MDGA2: variants seen among roughly 807,000 people sequenced by gnomAD.
The protein encoded by MDGA2 is MAM domain-containing glycosylphosphatidylinositol anchor protein 2.
A neutral mutation model predicts 117.8 loss-of-function variants in MDGA2; 40 were observed. That is an observed-to-expected ratio of 0.34 (90% confidence interval 0.26 to 0.44). The LOEUF (loss-of-function observed/expected upper bound fraction) is 0.44, where lower values mean the gene tolerates loss of function less well. Ranked by LOEUF, MDGA2 falls within the 20% of genes least tolerant of loss-of-function variation. MDGA2 has a pLI of 1.00. For synonymous variants in MDGA2, 452 were observed against 439.0 expected (o/e 1.03, Z -0.37); for missense variants, 1,123 against 1,250.6 (o/e 0.90, Z 1.54).
intron 8 of MDGA2, among the ~76,000 whole-genome samples, chr14:47,011,037 A>T (rs1258741260): frequency 6.6e-6 from 1 of 152,064 alleles, no homozygotes; most frequent in Non-Finnish European, 1.5e-5. Context: ...ATTTAAGGTT[A>T]ATGATTAGAA....
intron 8 of MDGA2, among the ~76,000 whole-genome samples, chr14:47,005,357 T>G (rs553941210): frequency 1.3e-5 from 2 of 151,618 alleles, no homozygotes; most frequent in Non-Finnish European, 3.0e-5. Flanking sequence ...GGGGCACTTA[T>G]TGAAAGAAGC....
intron 1 of MDGA2, among the ~76,000 whole-genome samples, chr14:47,574,886 C>G (rs1896088149): frequency 6.6e-6 from 1 of 152,142 alleles, no homozygotes; most frequent in Admixed American, 6.5e-5. Context: ...AGAGTCTGTG[C>G]TCCTCACTGC....
At chr14:47,506,232 G>A (rs72670708) in intron 1 of MDGA2, among the ~76,000 whole-genome samples, 1,765 of 152,036 alleles carry the variant, frequency 0.012, 15 homozygotes, top group South Asian at 0.022. Context: ...GAGCAAAGGC[G>A]CATAACTAAG....
intron 9 of MDGA2, among the ~76,000 whole-genome samples, chr14:46,922,944 T>C (rs914952073): frequency 2.6e-5 from 4 of 152,176 alleles, no homozygotes; most frequent in African/African-American, 9.7e-5. Context: ...AGCTATCTTA[T>C]TATAGTTGAC....
intron 1 of MDGA2, among the ~76,000 whole-genome samples, chr14:47,539,214 C>T (rs149715820): frequency 1.5e-3 from 234 of 152,300 alleles, no homozygotes; most frequent in African/African-American, 5.3e-3. Flanking sequence ...ACAGCAAGAA[C>T]CTGGTGCCCC....
rs142263719 is a variant in MDGA2, at chr14:47,529,220, C to T, written c.280+145297G>A. Among the ~76,000 whole-genome samples, 40 of 152,178 alleles carry T rather than the reference C, an allele frequency of 2.6e-4. No individual in the cohort carries two copies. The East Asian group carries it at 7.2e-3, about 27-fold the overall frequency. ...ACATCTGCAATAAAGCTCATTGGTG[C>T]ATAACTTTAGCGAGTTTATTTTCAG... is the stretch of plus-strand genomic sequence containing the variant. On this transcript the variant is annotated intron_variant, in intron 1 of 16. Coordinates refer to ENST00000399232, the MANE Select transcript of MDGA2 (RefSeq NM_001113498.3).
chr14:47,201,644 G>A (rs1885511058), intron 3 of MDGA2, among the ~76,000 whole-genome samples: 1 of 152,190 alleles, frequency 6.6e-6, no homozygotes, highest in Non-Finnish European at 1.5e-5. Flanking sequence ...CTATTTTAGT[G>A]TCTCAAAATG....
At chr14:46,941,535 G>C (rs1274246002) in intron 9 of MDGA2, among the ~76,000 whole-genome samples, 1 of 152,092 alleles carries the variant, frequency 6.6e-6, no homozygotes, top group Non-Finnish European at 1.5e-5. Context: ...GAAGGACAGA[G>C]GCCAGGTGCT....
At chr14:47,323,272 A>G (rs2416046) in intron 1 of MDGA2, among the ~76,000 whole-genome samples, 13,539 of 149,794 alleles carry the variant, frequency 0.09, 746 homozygotes, top group Non-Finnish European at 0.11. Context: ...TATTTTTTAA[A>G]TGACTTGTGG....
intron 4 of MDGA2, among the ~76,000 whole-genome samples, chr14:47,140,893 C>G (rs1449955628): frequency 2.6e-5 from 4 of 151,936 alleles, no homozygotes; most frequent in Non-Finnish European, 5.9e-5. Context: ...AAAATATTTG[C>G]AAACTATGCA....
At chr14:47,103,825 C>T (rs910055072) in intron 5 of MDGA2, among the ~76,000 whole-genome samples, 14 of 152,312 alleles carry the variant, frequency 9.2e-5, no homozygotes, top group African/African-American at 3.4e-4. Context: ...TGCCTTTAGG[C>T]ATTGCTTGTT....
chr14:47,194,996 T>C (rs150394393), intron 3 of MDGA2, among the ~76,000 whole-genome samples: 235 of 152,198 alleles, frequency 1.5e-3, no homozygotes, highest in African/African-American at 5.4e-3. Context: ...GACTGTAATA[T>C]GAATGTGTTT....
At chr14:47,096,799 T>C in intron 6 of MDGA2, 55 bp downstream of exon 6, 2 of 1,573,766 alleles carry the variant, frequency 1.3e-6, no homozygotes, top group Non-Finnish European at 1.7e-6. Flanking sequence ...CATTATTTGC[T>C]TTTTGAGAGC....
chr14:46,927,685 G>A (rs1017482281), intron 9 of MDGA2, among the ~76,000 whole-genome samples: 3 of 152,136 alleles, frequency 2.0e-5, no homozygotes, highest in South Asian at 2.1e-4. Flanking sequence ...GGTAAAGCGC[G>A]TTTGTACTTG....
At chr14:47,353,556 A>G (rs2138353300) in intron 1 of MDGA2, among the ~76,000 whole-genome samples, 1 of 152,342 alleles carries the variant, frequency 6.6e-6, no homozygotes, top group East Asian at 1.9e-4. Context: ...TGATTAAGTT[A>G]AAACGAGATT....
At chr14:47,616,822 A>C (rs1207697382) in intron 1 of MDGA2, among the ~76,000 whole-genome samples, 1 of 152,232 alleles carries the variant, frequency 6.6e-6, no homozygotes, top group Non-Finnish European at 1.5e-5. Flanking sequence ...GACATGAATC[A>C]GTTAAAACTG....
intron 15 of MDGA2, among the ~76,000 whole-genome samples, chr14:46,847,792 G>A (rs924996346): frequency 1.1e-4 from 16 of 151,948 alleles, no homozygotes; most frequent in African/African-American, 2.2e-4. Flanking sequence ...AGGTGACTAC[G>A]TTTCAAATAA....
chr14:47,466,325 TA>T (rs997696799), intron 1 of MDGA2, among the ~76,000 whole-genome samples: 4 of 148,948 alleles, frequency 2.7e-5, no homozygotes, highest in Admixed American at 6.7e-5. Flanking sequence ...AATATAAAAG[TA>T]AAAAAAAAAT....
At chr14:47,317,374 G>A (rs1204649984) in intron 1 of MDGA2, among the ~76,000 whole-genome samples, 1 of 152,026 alleles carries the variant, frequency 6.6e-6, no homozygotes, top group East Asian at 1.9e-4. Flanking sequence ...GGACTGTCTT[G>A]CACATGATAT....
Sources: gnomAD v4.1 joint callset for allele counts (sites outside exome capture counted in the v4.1 genomes callset) on GRCh38, gnomAD v4.1.1 for gene constraint, MANE v1.5 for transcripts, NCBI Gene and HGNC (gene_info 2026-07-23, HGNC 2026-07-21) for gene names.